MAD1L1: variants seen among roughly 807,000 people sequenced by gnomAD.
MAD1L1 encodes the protein mitotic arrest deficient 1 like 1.
Under a neutral mutation model 96.9 loss-of-function variants are expected in MAD1L1, and 95 were observed. That is an observed-to-expected ratio of 0.98 (90% CI 0.83 to 1.16). MAD1L1 has a LOEUF of 1.16. Among genes scored for constraint, MAD1L1 ranks in the 50% most tolerant of loss-of-function variants. The probability of loss-of-function intolerance (pLI) is 0.00; values close to 1 mark genes in which losing one functional copy is unlikely to be tolerated. For synonymous variants in MAD1L1, 473 were observed against 396.6 expected (o/e 1.19, Z -2.29); for missense variants, 1,007 against 954.4 (o/e 1.06, Z -0.73).
intron 17 of MAD1L1, among the ~76,000 whole-genome samples, chr7:1,911,900 C>T (rs1788040709): frequency 6.6e-6 from 1 of 152,266 alleles, no homozygotes; most frequent in South Asian, 2.1e-4. Context: ...GGCTGCTTCC[C>T]TCACTGTGTG....
chr7:2,232,721 G>A (rs1157144951), intron 1 of MAD1L1, among the ~76,000 whole-genome samples, 151 bp downstream of exon 1: 2 of 152,066 alleles, frequency 1.3e-5, no homozygotes, highest in East Asian at 3.9e-4. Flanking sequence ...ATGGGAGACG[G>A]GGCGGGCGCG....
chr7:2,113,041 G>A (rs777202224), intron 11 of MAD1L1, among the ~76,000 whole-genome samples: 45 of 144,792 alleles, frequency 3.1e-4, no homozygotes, highest in Admixed American at 6.3e-4. Context: ...TAACCTACTC[G>A]ACGAGGGGCA....
chr7:2,107,241 C>T (rs1200386770), intron 11 of MAD1L1, among the ~76,000 whole-genome samples: 1 of 152,174 alleles, frequency 6.6e-6, no homozygotes, highest in African/African-American at 2.4e-5. Flanking sequence ...GGTGAGGTCT[C>T]GCTGCCGGAG....
chr7:1,975,494 A>T (rs555425638), intron 15 of MAD1L1, among the ~76,000 whole-genome samples: 1 of 152,256 alleles, frequency 6.6e-6, no homozygotes, highest in African/African-American at 2.4e-5. Flanking sequence ...GGGCACGGTG[A>T]GCTCAAAGAT....
chr7:1,923,075 T>C (rs974914890), intron 17 of MAD1L1, among the ~76,000 whole-genome samples: 2 of 152,228 alleles, frequency 1.3e-5, no homozygotes, highest in African/African-American at 4.8e-5. Context: ...TGGAGAGTTT[T>C]GGCAAATTGG....
At chr7:2,038,748 C>G (rs1374964862) in intron 12 of MAD1L1, among the ~76,000 whole-genome samples, 1 of 151,266 alleles carries the variant, frequency 6.6e-6, no homozygotes, top group Non-Finnish European at 1.5e-5. Context: ...TCCTGCTGAC[C>G]TCAAGTGATC....
chr7:1,841,717 G>T (rs1018003610), intron 18 of MAD1L1, among the ~76,000 whole-genome samples: 4 of 152,272 alleles, frequency 2.6e-5, no homozygotes, highest in Admixed American at 2.0e-4. Flanking sequence ...TGCTTCCCTC[G>T]CGGGGCAGAT....
At chr7:1,942,324 G>A (rs528589462) in intron 16 of MAD1L1, among the ~76,000 whole-genome samples, 34 of 152,340 alleles carry the variant, frequency 2.2e-4, no homozygotes, top group Admixed American at 1.2e-3. Flanking sequence ...TCTGCTCCAG[G>A]TGAGACAGGA....
intron 13 of MAD1L1, among the ~76,000 whole-genome samples, 174 bp downstream of exon 13, chr7:2,014,328 G>A (rs1202942077): frequency 6.6e-6 from 1 of 152,130 alleles, no homozygotes; most frequent in African/African-American, 2.4e-5. Context: ...GAGAATTAAC[G>A]TGGATCCACA....
At chr7:1,882,206 C>T (rs1312442346) in intron 18 of MAD1L1, among the ~76,000 whole-genome samples, 10 of 152,334 alleles carry the variant, frequency 6.6e-5, no homozygotes, top group African/African-American at 2.2e-4. Flanking sequence ...GCCCACACCC[C>T]GGGGTGCCTC....
At chr7:2,062,713 T>G (rs1360749900) in intron 12 of MAD1L1, among the ~76,000 whole-genome samples, 1 of 152,146 alleles carries the variant, frequency 6.6e-6, no homozygotes, top group Non-Finnish European at 1.5e-5. Context: ...CTGTAATTTG[T>G]GCACACTAAA....
intron 14 of MAD1L1, among the ~76,000 whole-genome samples, chr7:1,989,775 C>T (rs1375344316): frequency 6.6e-6 from 1 of 152,212 alleles, no homozygotes. Flanking sequence ...TTCGGCATGG[C>T]CCAGCCTCAG....
At chr7:1,936,571 G>C (rs1778614952) in intron 17 of MAD1L1, 116 bp downstream of exon 17, 3 of 1,112,816 alleles carry the variant, frequency 2.7e-6, no homozygotes, top group Admixed American at 2.3e-5. Context: ...CCACAGGGGA[G>C]GACAAACCCT....
intron 14 of MAD1L1, among the ~76,000 whole-genome samples, chr7:1,992,691 G>T (rs1199727734): frequency 1.3e-5 from 2 of 152,190 alleles, no homozygotes; most frequent in African/African-American, 4.8e-5. Flanking sequence ...GGAGCTTGGG[G>T]AAGGCTGTCT....
chr7:2,003,583 G>C (rs1263192326), intron 13 of MAD1L1, among the ~76,000 whole-genome samples: 2 of 152,146 alleles, frequency 1.3e-5, no homozygotes, highest in African/African-American at 4.8e-5. Context: ...GGAGGCTGCA[G>C]GTGTGAGCAC....
At chr7:2,007,649 G>C (rs940332790) in intron 13 of MAD1L1, among the ~76,000 whole-genome samples, 1 of 152,176 alleles carries the variant, frequency 6.6e-6, no homozygotes, top group Non-Finnish European at 1.5e-5. Context: ...ATTCCAGCCC[G>C]GGCGACTGAG....
At chr7:2,063,932 C>G (rs1209941121) in intron 12 of MAD1L1, among the ~76,000 whole-genome samples, 2 of 152,184 alleles carry the variant, frequency 1.3e-5, no homozygotes, top group African/African-American at 2.4e-5. Context: ...GGAGGGGCCT[C>G]CTCAAACCCC....
intron 11 of MAD1L1, among the ~76,000 whole-genome samples, chr7:2,117,792 AG>A (rs1185530899): frequency 8.5e-5 from 13 of 152,286 alleles, no homozygotes; most frequent in African/African-American, 3.1e-4. Context: ...GAACTAACAC[AG>A]GGGTAAGAGA....
At chr7:1,883,861 C>T (rs901758320) in intron 18 of MAD1L1, among the ~76,000 whole-genome samples, 39 of 152,186 alleles carry the variant, frequency 2.6e-4, no homozygotes, top group Non-Finnish European at 3.7e-4. Context: ...GGAGCAGGAG[C>T]CTCGAGCGAA....
Sources: allele counts gnomAD v4.1 joint callset (sites outside exome capture counted in the v4.1 genomes callset), GRCh38; gene constraint gnomAD v4.1.1; transcripts MANE v1.5; gene names NCBI Gene and HGNC (gene_info 2026-07-23, HGNC 2026-07-21).